Variants in KRT79 observed in about 807,000 individuals in gnomAD.
KRT79 encodes the protein keratin 79.
In KRT79, 51 loss-of-function variants were observed where a neutral mutation model predicts 49.0. That is an observed-to-expected ratio of 1.04 (90% CI 0.83 to 1.31). The LOEUF (loss-of-function observed/expected upper bound fraction) is 1.31, where lower values mean the gene tolerates loss of function less well. Among genes scored for constraint, KRT79 ranks in the 40% most tolerant of loss-of-function variants. KRT79 has a pLI of 0.00. For missense variants in KRT79, 728 were observed against 688.0 expected (o/e 1.06, Z -0.65); for synonymous variants, 312 against 286.6 (o/e 1.09, Z -0.90).
chr12:52,824,219 G>C lies in KRT79; in HGVS notation c.999C>G (p.Ala333=), dbSNP rs141234590. 235 of 1,614,186 alleles carry C rather than the reference G, an allele frequency of 1.5e-4. No homozygotes were observed. In the African/African-American group the frequency reaches 2.9e-3, roughly 20 times the overall value. The change falls in exon 5 of 9, where the codon GCC becomes GCG. Residue 333 remains alanine, a synonymous_variant. Transcript: ENST00000330553. The part of the protein sequence containing the change: ...ELIAQRSRAE[A]EAWYQTKYEE... Reference sequence around the variant, plus strand: ...TCACCTTGGTCTGGTACCAGGCCTCGGCCTCAGCCCGGCTCCTCTGGGCAA... The same window carrying C: ...TCACCTTGGTCTGGTACCAGGCCTCCGCCTCAGCCCGGCTCCTCTGGGCAA...
In KRT79 at chr12:52,830,051, A is replaced by G. The variant is rs779787991; in HGVS notation, c.827T>C (p.Ile276Thr). The G allele has an allele frequency of 3.7e-6, 6 of 1,614,030 alleles. No homozygotes were observed. Among genetic ancestry groups the G allele is most frequent in the Admixed American group, 3.3e-5 (2 of 59,990 alleles). The stretch of plus-strand genomic sequence containing the variant: ...TTCATAGAGTTGCTGCAGGAAGTCA[A>G]TCTCCTGGGTCAAGGTGCCCACTTT... ...HGKVGTLTQE[I>T]DFLQQLYEME... The change falls in exon 4 of 9, where the codon ATT (isoleucine) becomes ACT (threonine). Residue 276 changes from isoleucine (I) to threonine (T), a missense_variant. Coordinates refer to ENST00000330553, the MANE Select transcript of KRT79 (RefSeq NM_175834.3).
At position 52,823,071 on chromosome 12, in the gene KRT79, C is replaced by T. The variant is rs753377513; in HGVS notation, c.1312G>A (p.Ala438Thr). 1.2e-6 allele frequency: 2 copies of T among 1,614,074 alleles called. No individual in the cohort carries two copies. The highest frequency in any genetic ancestry group is 1.3e-5 in the African/African-American group (1 of 74,928). Residue 438 changes from alanine to threonine, a missense_variant, in exon 7 of 9, where the codon GCC becomes ACC. Physicochemically the swap from Ala to Thr is moderately conservative, Grantham distance 58. Coordinates refer to ENST00000330553, the MANE Select transcript of KRT79 (RefSeq NM_175834.3). ...TAGGTGGCAATCTCCACGTCCAGGG[C>T]CAGCTTGACATTCATCAGCTCCTGG... is the stretch of plus-strand genomic sequence containing the variant. Reference protein sequence around the residue: ...DYQELMNVKLALDVEIATYRK... With the variant: ...DYQELMNVKLTLDVEIATYRK...
At chr12:52,825,386 C>T (rs532445867) in intron 4 of KRT79, among the ~76,000 whole-genome samples, 1 of 152,312 alleles carries the variant, frequency 6.6e-6, no homozygotes, top group South Asian at 2.1e-4. Flanking sequence ...TAACAACCCT[C>T]GCATGCTGAG....
chr12:52,834,157 G>T lies in KRT79; in HGVS notation c.104C>A (p.Ser35Ter). 2 of 1,613,648 alleles carry T rather than the reference G, an allele frequency of 1.2e-6. No individual in the cohort carries two copies. Among genetic ancestry groups the T allele is most frequent in the Non-Finnish European group, 1.7e-6 (2 of 1,179,904 alleles). ...GCCACTGCTCCGAGACACCGTCACTGAGCTGAAGCTGGTGCGGGCCTGGGA... is the reference window on the plus strand; with the variant it reads ...GCCACTGCTCCGAGACACCGTCACTTAGCTGAAGCTGGTGCGGGCCTGGGA... ...SGSQARTSFS[S>*]VTVSRSSGSG... Residue 35 changes from serine (S) to a stop codon, truncating the protein, a stop_gained, in exon 1 of 9, where the codon TCA becomes TAA. Transcript: ENST00000330553. LOFTEE classifies it high-confidence loss of function.
intron 4 of KRT79, among the ~76,000 whole-genome samples, chr12:52,824,891 G>T (rs1323898726): frequency 1.3e-5 from 2 of 152,190 alleles, no homozygotes; most frequent in Non-Finnish European, 2.9e-5. Flanking sequence ...AGGGCACCAG[G>T]TCCAGGGTGG....
chr12:52,829,878 G>T, intron 4 of KRT79, 145 bp downstream of exon 4: 1 of 698,164 alleles, frequency 1.4e-6, no homozygotes, highest in South Asian at 1.7e-5. Context: ...GTAACACAGC[G>T]AAACTCCGTC....
rs1940255130 is a variant in KRT79 at position 52,831,510 on chromosome 12, G to A, written c.594C>T (p.Tyr198=). The A allele has an allele frequency of 1.9e-6, 3 of 1,614,226 alleles. No individual in the cohort carries two copies. Among genetic ancestry groups the A allele is most frequent in the Non-Finnish European group, 2.5e-6 (3 of 1,180,044 alleles). ...RNNLEPLFEA[Y]LGSMRSTLDR... is the part of the protein sequence containing the mutation. ...CCAGCGTGCTCCGCATGCTACCCAGGTAGGCCTCAAAGAGGGGCTCCAGGT... is the reference window on the plus strand; with the variant it reads ...CCAGCGTGCTCCGCATGCTACCCAGATAGGCCTCAAAGAGGGGCTCCAGGT... The change falls in exon 2 of 9, where the codon TAC becomes TAT. Residue 198 remains tyrosine (Y), a synonymous_variant. Transcript: ENST00000330553.
At position 52,823,828 on chromosome 12, in the gene KRT79, C is replaced by A. The variant is rs1592316277; in HGVS notation, c.1146+59G>T. 5.7e-6 allele frequency: 9 copies of A among 1,567,134 alleles called. No homozygotes were observed. In the East Asian group the frequency reaches 2.0e-4, roughly 35 times the overall value. ...GAGCAGGCCTAGCCCCTCGGGGTGA[C>A]AATGAGAAGGCCCTGCCAACACCTA... On this transcript the variant is annotated intron_variant, in intron 6 of 8. Coordinates refer to ENST00000330553, the MANE Select transcript of KRT79 (RefSeq NM_175834.3).
At chr12:52,833,650 C>A in intron 1 of KRT79, 134 bp downstream of exon 1, 1 of 786,674 alleles carries the variant, frequency 1.3e-6, no homozygotes, top group South Asian at 1.6e-5. Context: ...CAGGCTCAGA[C>A]CGGGAGAGCT....
Position 52,831,393 on chromosome 12 carries a change from C to T in KRT79, c.698+13G>A. 3 of 1,613,314 alleles carry T rather than the reference C, an allele frequency of 1.9e-6. No homozygotes were observed. Among genetic ancestry groups the T allele is most frequent in the Non-Finnish European group, 2.5e-6 (3 of 1,179,270 alleles). On this transcript the variant is annotated intron_variant, in intron 2 of 8. Coordinates refer to ENST00000330553, the MANE Select transcript of KRT79 (RefSeq NM_175834.3). ...TCACTCCCACATGGCCCCGCCTGGC[C>T]TGCTCTCCTCACTTGTTCTTGAAGT...
At position 52,831,424 on chromosome 12, in the gene KRT79, A is replaced by T; in HGVS notation, c.680T>A (p.Val227Glu). The change falls in exon 2 of 9, where the codon GTG (valine) becomes GAG (glutamate). Residue 227 changes from valine (V) to glutamate (E), a missense_variant. Physicochemically the swap from Val to Glu is moderately radical, Grantham distance 121. Coordinates refer to ENST00000330553, the MANE Select transcript of KRT79 (RefSeq NM_175834.3). The stretch of plus-strand genomic sequence containing the variant: ...TCCTCACTTGTTCTTGAAGTCCTCC[A>T]CAAGGTCCTGCACGTTCCTGAGCTC... ...DSELRNVQDL[V>E]EDFKNKYEDE... The T allele has an allele frequency of 6.2e-7, 1 of 1,614,118 alleles. No individual in the cohort carries two copies. Among genetic ancestry groups the T allele is most frequent in the South Asian group, 1.1e-5 (1 of 91,078 alleles).
Position 52,834,305 on chromosome 12 carries a change from G to C in KRT79, c.-45C>G. ...GGCAGGATGAGAGGGCAGGAAGGGA[G>C]TGCCGTGAGCTGCTGGGCCACTGTG... On this transcript the variant is annotated 5_prime_UTR_variant, in exon 1 of 9. Coordinates refer to ENST00000330553, the MANE Select transcript of KRT79 (RefSeq NM_175834.3). 1 of 1,499,588 alleles carries C rather than the reference G, an allele frequency of 6.7e-7. No homozygotes were observed. Among genetic ancestry groups the C allele is most frequent in the South Asian group, 1.1e-5 (1 of 88,660 alleles). 92.9% of individuals were successfully genotyped at this position (1,499,588 alleles called of 1,614,324 possible).
In KRT79 at chr12:52,833,983, C is replaced by T; in HGVS notation, c.278G>A (p.Arg93Lys). The T allele has an allele frequency of 2.5e-6, 4 of 1,612,936 alleles. No homozygotes were observed. The highest frequency in any genetic ancestry group is 3.4e-6 in the Non-Finnish European group (4 of 1,179,344). Residue 93 changes from arginine to lysine, a missense_variant, in exon 1 of 9, where the codon AGG becomes AAG. Coordinates refer to ENST00000330553, the MANE Select transcript of KRT79 (RefSeq NM_175834.3). Reference sequence around the variant, plus strand: ...GCCAGCCCCCTGTCCCATAAATGCCCTGCTGCCAAAGCCAAAGCCCCCCAG... The same window carrying T: ...GCCAGCCCCCTGTCCCATAAATGCCTTGCTGCCAAAGCCAAAGCCCCCCAG... ...RALGGFGFGS[R>K]AFMGQGAGRQ...
At chr12:52,830,380 G>A (rs1489753506) in intron 2 of KRT79, 88 bp from the exon 3 acceptor site, 1 of 1,074,676 alleles carries the variant, frequency 9.3e-7, no homozygotes, top group Non-Finnish European at 1.4e-6. Flanking sequence ...AGCCCTGATG[G>A]GTCCCTCACT....
rs373908307 is a variant in KRT79, at chr12:52,823,868, G to A, written c.1146+19C>T. On this transcript the variant is annotated intron_variant, in intron 6 of 8. Transcript: ENST00000330553. ...GCCAACACCTAGGCCAGACCCCCAA[G>A]CCCCCAGTAGAGTCCCACCTGCTTC... 2 of 1,605,664 alleles carry A rather than the reference G, an allele frequency of 1.2e-6. No homozygotes were observed. Among genetic ancestry groups the A allele is most frequent in the East Asian group, 2.2e-5 (1 of 44,776 alleles).
In KRT79 at chr12:52,821,887, G is replaced by C. The variant is rs1392201534; in HGVS notation, c.1593C>G (p.Ser531=). The C allele has an allele frequency of 3.1e-6, 5 of 1,614,012 alleles. No homozygotes were observed. In the East Asian group the frequency reaches 1.1e-4, roughly 36 times the overall value. ...ILRKTTTVKT[S]SQRY ...GGCTCAGCAGCTAATACCTCTGGCT[G>C]GACGTCTTGACCGTAGTGGTCTTCC... is the stretch of plus-strand genomic sequence containing the variant. Residue 531 remains serine (S), a synonymous_variant, in exon 9 of 9, where the codon TCC becomes TCG. Transcript: ENST00000330553.
rs770431308 is a variant in KRT79 at position 52,822,061 on chromosome 12, G to A, written c.1419C>T (p.Ser473=). ...CTGCGCCACCTCCGCACACAGTGGT[G>A]GAGTTGCCAGTCACAGCTGCAAAGC... ...SAVSISVTGN[S]TTVCGGGAAS... Residue 473 remains serine, a synonymous_variant, in exon 9 of 9, where the codon TCC becomes TCT. Transcript: ENST00000330553. The A allele has an allele frequency of 6.2e-7, 1 of 1,614,052 alleles. No homozygotes were observed.
In KRT79 at chr12:52,824,201, G is replaced by A. The variant is rs748091012; in HGVS notation, c.1017C>T (p.Thr339=). The A allele has an allele frequency of 6.2e-7, 1 of 1,614,198 alleles. No individual in the cohort carries two copies. The highest frequency in any genetic ancestry group is 1.1e-5 in the South Asian group (1 of 91,080). The change falls in exon 5 of 9, where the codon ACC becomes ACT. Residue 339 remains threonine, a synonymous_variant. Coordinates refer to ENST00000330553, the MANE Select transcript of KRT79 (RefSeq NM_175834.3). ...CTGAGCCAGCTATGCCTCTCACCTT[G>A]GTCTGGTACCAGGCCTCGGCCTCAG... ...SRAEAEAWYQ[T]KYEELQVTAG... is the part of the protein sequence containing the mutation.
At position 52,822,474 on chromosome 12, in the gene KRT79, C is replaced by A; in HGVS notation, c.1368-95G>T. 6 of 802,406 alleles carry A rather than the reference C, an allele frequency of 7.5e-6. No homozygotes were observed. In the East Asian group the frequency reaches 1.6e-4, roughly 21 times the overall value. The allele number at this position is 802,406 out of a possible 1,614,324, so 49.7% of individuals were successfully genotyped here. ...CCTCTGCCTTTACATTGGATCCACT[C>A]AGTGAATCCTGATGACAAGACCAGG... On this transcript the variant is annotated intron_variant, in intron 7 of 8. Coordinates refer to ENST00000330553, the MANE Select transcript of KRT79 (RefSeq NM_175834.3).
Sources: allele counts gnomAD v4.1 joint callset (sites outside exome capture counted in the v4.1 genomes callset), GRCh38; gene constraint gnomAD v4.1.1; transcripts MANE v1.5; gene names NCBI Gene and HGNC (gene_info 2026-07-23, HGNC 2026-07-21).